Variants in BCL11B observed in about 807,000 individuals in gnomAD.
BCL11B encodes B-cell lymphoma/leukemia 11B.
A neutral mutation model predicts 49.9 loss-of-function variants in BCL11B; 8 were observed. The ratio of observed to expected loss-of-function variants is 0.16; its 90% CI spans 0.09 to 0.29. The LOEUF is 0.29. Ranked by LOEUF, BCL11B falls within the 10% of genes least tolerant of loss-of-function variation. The probability of loss-of-function intolerance (pLI) is 1.00; values close to 1 mark genes in which losing one functional copy is unlikely to be tolerated. For missense variants in BCL11B, 1,006 were observed against 1,351.0 expected, an observed-to-expected ratio of 0.74 and a Z score of 4.00; for synonymous variants, 739 against 637.4, an observed-to-expected ratio of 1.16 and a Z score of -2.40.
intron 3 of BCL11B, among the ~76,000 whole-genome samples, chr14:99,198,084 G>A (rs1887230426): frequency 6.6e-6 from 1 of 152,238 alleles, no homozygotes; most frequent in Non-Finnish European, 1.5e-5. Context: ...AGGAGCTAAT[G>A]AAACCACAAG....
intron 3 of BCL11B, among the ~76,000 whole-genome samples, chr14:99,214,233 T>C (rs1887766641): frequency 1.3e-5 from 2 of 152,114 alleles, no homozygotes; most frequent in Admixed American, 1.3e-4. Flanking sequence ...CAGATTCCAA[T>C]GAGTGGCAAC....
In BCL11B at chr14:99,174,838, G is replaced by A; in HGVS notation, c.1998C>T (p.Pro666=). The A allele has an allele frequency of 1.5e-6, 2 of 1,323,528 alleles. No individual in the cohort carries two copies. The highest frequency in any genetic ancestry group is 9.6e-7 in the Non-Finnish European group (1 of 1,037,294). 82.0% of individuals were successfully genotyped at this position (1,323,528 alleles called of 1,614,324 possible). A position where few individuals can be genotyped will look rare whatever the true frequency, so the allele number is the denominator to read the frequency against. The change falls in exon 4 of 4, where the codon CCC becomes CCT. Residue 666 remains proline, a synonymous_variant. Transcript: ENST00000357195. ...GCGCGGGCTTGCGCGGGAAGAGCCC[G>A]GGGAAGGGCTCGGTGCCTGGCGCGA... ...GGFAPGTEPF[P]GLFPRKPAPL... is the part of the protein sequence containing the mutation.
At chr14:99,266,271 A>C (rs1350923837) in intron 1 of BCL11B, among the ~76,000 whole-genome samples, 1 of 152,210 alleles carries the variant, frequency 6.6e-6, no homozygotes, top group Non-Finnish European at 1.5e-5. Flanking sequence ...TGTTTTAGGT[A>C]CACGACTCCC....
In BCL11B at chr14:99,228,500, G is replaced by A. The variant is rs2139882830; in HGVS notation, c.640+2845C>T. ...GAGGTAAGAGCAGGCCCCTTAGAAGGGTCTCCTGGAGCAGTCCTAGGGGCT... is the reference window on the plus strand; with the variant it reads ...GAGGTAAGAGCAGGCCCCTTAGAAGAGTCTCCTGGAGCAGTCCTAGGGGCT... On this transcript the variant is annotated intron_variant, in intron 3 of 3. Transcript: ENST00000357195. The surrounding 1 kb of genome is among the most constrained non-coding windows in gnomAD (Gnocchi z 4.8). Among the ~76,000 whole-genome samples, 1 of 152,246 alleles carries A rather than the reference G, an allele frequency of 6.6e-6. No homozygotes were observed. The highest frequency in any genetic ancestry group is 1.5e-5 in the Non-Finnish European group (1 of 68,000).
intron 1 of BCL11B, among the ~76,000 whole-genome samples, chr14:99,263,832 G>A (rs1889406439): frequency 6.6e-6 from 1 of 152,104 alleles, no homozygotes; most frequent in African/African-American, 2.4e-5. Context: ...GGTCTCCCCA[G>A]CACAAGAGCA....
At chr14:99,203,400 G>T (rs1035690253) in intron 3 of BCL11B, among the ~76,000 whole-genome samples, 3 of 152,142 alleles carry the variant, frequency 2.0e-5, no homozygotes, top group Non-Finnish European at 4.4e-5. Flanking sequence ...TGCATGCCTG[G>T]GGCCAACAGA....
intron 2 of BCL11B, among the ~76,000 whole-genome samples, chr14:99,252,245 C>T (rs933578581): frequency 1.3e-5 from 2 of 152,160 alleles, no homozygotes; most frequent in African/African-American, 4.8e-5. Flanking sequence ...CATGCCACAA[C>T]ACACATGGAT....
rs1886791492 is a variant in BCL11B at position 99,184,303 on chromosome 14, C to A, written c.641-8108G>T. ...TTTCAGATCCAGCCCAAGTCTAATC[C>A]CCTCAGCATTCCACAGCATTGTATT... On this transcript the variant is annotated intron_variant, in intron 3 of 3. Transcript: ENST00000357195. The surrounding 1 kb of genome is among the most constrained non-coding windows in gnomAD (Gnocchi z 6.1). Among the ~76,000 whole-genome samples the A allele has an allele frequency of 6.6e-6, 1 of 152,176 alleles. No individual in the cohort carries two copies. Among genetic ancestry groups the A allele is most frequent in the Admixed American group, 6.5e-5 (1 of 15,280 alleles).
chr14:99,197,395 G>C (rs924737433), intron 3 of BCL11B, among the ~76,000 whole-genome samples: 2 of 152,168 alleles, frequency 1.3e-5, no homozygotes, highest in African/African-American at 4.8e-5. Flanking sequence ...TCCCACTCTG[G>C]ATTCAGGGCA....
rs904954511 is a variant in BCL11B, at chr14:99,194,782, G to A, written c.641-18587C>T. ...AAGCAGTCTCAACCGTGGAGCAGAC[G>A]GCCTTCGATAATAGCAACCCCCGAG... On this transcript the variant is annotated intron_variant, in intron 3 of 3. Coordinates refer to ENST00000357195, the MANE Select transcript of BCL11B (RefSeq NM_138576.4). This position sits in a 1 kb window ranked among gnomAD's most constrained non-coding sequence, Gnocchi z 4.6. Among the ~76,000 whole-genome samples, 4 of 152,260 alleles carry A rather than the reference G, an allele frequency of 2.6e-5. No homozygotes were observed. Among genetic ancestry groups the A allele is most frequent in the South Asian group, 2.1e-4 (1 of 4,830 alleles).
chr14:99,199,681 T>TGTGTGTGTGC (rs1887299508), intron 3 of BCL11B, among the ~76,000 whole-genome samples: 1 of 71,002 alleles, frequency 1.4e-5, no homozygotes, highest in East Asian at 3.1e-4. Context: ...TGTGTGTGTG[T>TGTGTGTGTGC]GTGCGCGCGC....
chr14:99,240,181 GAA>G (rs1349574830), intron 2 of BCL11B, among the ~76,000 whole-genome samples: 1 of 151,694 alleles, frequency 6.6e-6, no homozygotes, highest in Non-Finnish European at 1.5e-5. Context: ...TAAAAAGAAA[GAA>G]AAAAGGAAAG....
In BCL11B at chr14:99,213,730, C is replaced by T. The variant is rs1040378702; in HGVS notation, c.640+17615G>A. On this transcript the variant is annotated intron_variant, in intron 3 of 3. Coordinates refer to ENST00000357195, the MANE Select transcript of BCL11B (RefSeq NM_138576.4). This position sits in a 1 kb window ranked among gnomAD's most constrained non-coding sequence, Gnocchi z 5.1. ...GTCAGCCACACGTGTCCTAGCTCAG[C>T]GCAGGGACTTGGGGCACATCCTGTC... is the stretch of plus-strand genomic sequence containing the variant. 4.6e-5 allele frequency among the ~76,000 whole-genome samples: 7 copies of T among 152,174 alleles called. No homozygotes were observed. Among genetic ancestry groups the T allele is most frequent in the African/African-American group, 1.7e-4 (7 of 41,450 alleles).
intron 3 of BCL11B, among the ~76,000 whole-genome samples, chr14:99,181,553 C>A (rs710306): frequency 0.84 from 128,297 of 152,244 alleles, 54,412 homozygotes; most frequent in African/African-American, 0.94. Context: ...TTTCACAATG[C>A]AAATGGCCAC....
At chr14:99,178,070 G>C (rs993414505) in intron 3 of BCL11B, among the ~76,000 whole-genome samples, 3 of 152,138 alleles carry the variant, frequency 2.0e-5, no homozygotes, top group East Asian at 3.9e-4. Context: ...GTCACAGAAG[G>C]CTTCGTGCTG....
Position 99,169,512 on chromosome 14 carries a change from A to T in BCL11B, c.*4639T>A, listed in dbSNP as rs992023998. ...CTGTCATCTCAACATTTTATCCATA[A>T]TAAAAAAAAGTGCCTGTTTCTTAAA... On this transcript the variant is annotated 3_prime_UTR_variant, in exon 4 of 4. Coordinates refer to ENST00000357195, the MANE Select transcript of BCL11B (RefSeq NM_138576.4). The T allele has an allele frequency of 5.0e-6, 1 of 201,352 alleles. No homozygotes were observed. The highest frequency in any genetic ancestry group is 1.0e-5 in the Non-Finnish European group (1 of 97,698). The allele number at this position is 201,352 out of a possible 1,614,324, so 12.5% of individuals were successfully genotyped here.
Position 99,213,457 on chromosome 14 carries a change from G to A in BCL11B, c.640+17888C>T, listed in dbSNP as rs1332302366. ...AGGAACACCAAAATGACTCTCATCT[G>A]GACTGGTATGACTCATGTTTTTAAT... is the stretch of plus-strand genomic sequence containing the variant. On this transcript the variant is annotated intron_variant, in intron 3 of 3. Coordinates refer to ENST00000357195, the MANE Select transcript of BCL11B (RefSeq NM_138576.4). This position sits in a 1 kb window ranked among gnomAD's most constrained non-coding sequence, Gnocchi z 5.1. 2.0e-5 allele frequency among the ~76,000 whole-genome samples: 3 copies of A among 152,160 alleles called. No homozygotes were observed. The highest frequency in any genetic ancestry group is 2.4e-5 in the African/African-American group (1 of 41,426).
Position 99,213,459 on chromosome 14 carries a change from A to G in BCL11B, c.640+17886T>C, listed in dbSNP as rs807564. Among the ~76,000 whole-genome samples, 99,499 of 152,112 alleles carry G rather than the reference A, an allele frequency of 0.65. 32,877 individuals carry two copies. The highest frequency in any genetic ancestry group is 0.72 in the Admixed American group (10,936 of 15,292). ...GAACACCAAAATGACTCTCATCTGG[A>G]CTGGTATGACTCATGTTTTTAATAG... is the stretch of plus-strand genomic sequence containing the variant. On this transcript the variant is annotated intron_variant, in intron 3 of 3. Transcript: ENST00000357195. This position sits in a 1 kb window ranked among gnomAD's most constrained non-coding sequence, Gnocchi z 5.1.
In BCL11B at chr14:99,211,628, C is replaced by T. The variant is rs116717812; in HGVS notation, c.640+19717G>A. ...GCACTCATGCACAAACACACGTGCA[C>T]ACACACCCCCCTCCACCTGGTTCCT... is the stretch of plus-strand genomic sequence containing the variant. On this transcript the variant is annotated intron_variant, in intron 3 of 3. Transcript: ENST00000357195. Among the ~76,000 whole-genome samples, 744 of 152,282 alleles carry T rather than the reference C, an allele frequency of 4.9e-3. 8 individuals are homozygous for T. Among genetic ancestry groups the T allele is most frequent in the African/African-American group, 0.017 (726 of 41,542 alleles).
Sources: allele counts gnomAD v4.1 joint callset (sites outside exome capture counted in the v4.1 genomes callset), GRCh38; gene constraint gnomAD v4.1.1; non-coding constraint Gnocchi (gnomAD v3.1); transcripts MANE v1.5; gene names NCBI Gene and HGNC (gene_info 2026-07-23, HGNC 2026-07-21).